The following ITGAV variants were observed in gnomAD, a reference collection of about 807,000 sequenced individuals.
The protein encoded by ITGAV is integrin subunit alpha V, also known as integrin alpha-V.
A neutral mutation model predicts 143.8 loss-of-function variants in ITGAV; 76 were observed. The observed-to-expected ratio is 0.53, with a 90% CI of 0.44 to 0.64. The LOEUF is 0.64. ITGAV is among the 30% of genes least tolerant of loss of function. The probability of loss-of-function intolerance (pLI) is 0.00; values close to 1 mark genes in which losing one functional copy is unlikely to be tolerated. For synonymous variants in ITGAV, 453 were observed against 446.7 expected (o/e 1.01, Z -0.18); for missense variants, 1,193 against 1,274.7 (o/e 0.94, Z 0.98).
intron 2 of ITGAV, among the ~76,000 whole-genome samples, chr2:186,604,681 T>G (rs527644109): frequency 3.4e-4 from 52 of 152,286 alleles, no homozygotes; most frequent in African/African-American, 1.2e-3. Flanking sequence ...GGAGATAGTA[T>G]CTGTTATGTT....
chr2:186,616,763 T>G (rs1308720499), intron 2 of ITGAV, among the ~76,000 whole-genome samples: 1 of 152,124 alleles, frequency 6.6e-6, no homozygotes, highest in Non-Finnish European at 1.5e-5. Flanking sequence ...CGTTTAATGC[T>G]ATATTACTAG....
intron 4 of ITGAV, among the ~76,000 whole-genome samples, chr2:186,625,943 G>A (rs1172363443): frequency 6.6e-6 from 1 of 152,128 alleles, no homozygotes; most frequent in Non-Finnish European, 1.5e-5. Flanking sequence ...TTCTGATTCA[G>A]TAGGTCTAGG....
intron 1 of ITGAV, among the ~76,000 whole-genome samples, chr2:186,597,842 T>C (rs1271088078): frequency 1.3e-5 from 2 of 152,176 alleles, no homozygotes; most frequent in African/African-American, 2.4e-5. Context: ...ATGCTTCTTA[T>C]GAGAACCTAA....
intron 2 of ITGAV, among the ~76,000 whole-genome samples, chr2:186,611,100 C>G (rs1687203211): frequency 6.6e-6 from 1 of 152,114 alleles, no homozygotes; most frequent in Non-Finnish European, 1.5e-5. Context: ...TGGTTCCTTC[C>G]CTTATCTTCA....
rs976924851 is a variant in ITGAV, at chr2:186,649,253, TA to T, written c.1352-586del. Among the ~76,000 whole-genome samples, 19 of 151,922 alleles carry T rather than the reference TA, an allele frequency of 1.3e-4. 1 individual carries two copies. The highest frequency in any genetic ancestry group is 4.6e-4 in the African/African-American group (19 of 41,516). Reference sequence around the variant, plus strand: ...AGCATAAAGTTTTAAACTTTTATGTTATTTAATCTGTTTTTATTTTTTTTTT... The same window carrying T: ...AGCATAAAGTTTTAAACTTTTATGTTTTTAATCTGTTTTTATTTTTTTTTT... On this transcript the variant is annotated intron_variant, in intron 13 of 29. Coordinates refer to ENST00000261023, the MANE Select transcript of ITGAV (RefSeq NM_002210.5).
intron 14 of ITGAV, among the ~76,000 whole-genome samples, chr2:186,650,196 T>G (rs1053337015): frequency 6.6e-6 from 1 of 152,218 alleles, no homozygotes; most frequent in Non-Finnish European, 1.5e-5. Context: ...AATCCTGTCT[T>G]CCAGCCTCTC....
At chr2:186,645,078 A>G (rs931867106) in intron 12 of ITGAV, among the ~76,000 whole-genome samples, 14 of 152,200 alleles carry the variant, frequency 9.2e-5, no homozygotes, top group Admixed American at 7.2e-4. Context: ...TATGTTCTAT[A>G]GCTTACTTAC....
chr2:186,646,735 T>C lies in ITGAV; in HGVS notation c.1209T>C (p.Val403=). ...PYGGEDKKGI[V]YIFNGRSTGL... ...GGGGTGAAGATAAAAAAGGAATTGT[T>C]TATATCTTCAATGGAAGATCAACAG... The change falls in exon 13 of 30, where the codon GTT becomes GTC. Residue 403 remains valine (V), a synonymous_variant. Transcript: ENST00000261023. The C allele has an allele frequency of 6.2e-7, 1 of 1,609,530 alleles. No individual in the cohort carries two copies. Among genetic ancestry groups the C allele is most frequent in the Non-Finnish European group, 8.5e-7 (1 of 1,177,116 alleles).
rs1269740789 is a variant in ITGAV, at chr2:186,675,856, T to C, written c.2857T>C (p.Ser953Pro). ...NQNHSYSLKSSASFNVIEFPY... is the reference protein window; with the variant it reads ...NQNHSYSLKSPASFNVIEFPY... Reference sequence around the variant, plus strand: ...GAATCATTCCTATTCTCTGAAGTCGTCTGCTTCATTTAATGTCATAGAGTT... The same window carrying C: ...GAATCATTCCTATTCTCTGAAGTCGCCTGCTTCATTTAATGTCATAGAGTT... The change falls in exon 28 of 30, where the codon TCT becomes CCT. Residue 953 changes from serine (S) to proline (P), a missense_variant. Transcript: ENST00000261023. 4.4e-6 allele frequency: 7 copies of C among 1,608,778 alleles called. No individual in the cohort carries two copies. In the Admixed American group the frequency reaches 1.2e-4, roughly 27 times the overall value.
chr2:186,678,584 A>C lies in ITGAV; in HGVS notation c.*1292A>C. The C allele has an allele frequency of 3.1e-6, 1 of 321,494 alleles. No individual in the cohort carries two copies. Among genetic ancestry groups the C allele is most frequent in the Non-Finnish European group, 6.0e-6 (1 of 165,850 alleles). The allele number at this position is 321,494 out of a possible 1,614,324, so 19.9% of individuals were successfully genotyped here. A position where few individuals can be genotyped will look rare whatever the true frequency, so the allele number is the denominator to read the frequency against. On this transcript the variant is annotated 3_prime_UTR_variant, in exon 30 of 30. Transcript: ENST00000261023. ...AACCTTTCTGAAGTTCGTTAGTATA[A>C]ATTACTTTTCTAGGATTATTAATAA...
intron 2 of ITGAV, among the ~76,000 whole-genome samples, chr2:186,609,056 C>A (rs1259761557): frequency 6.6e-6 from 1 of 152,140 alleles, no homozygotes; most frequent in Admixed American, 6.6e-5. Context: ...AGTCTCATAT[C>A]TGTGAAAGAC....
intron 10 of ITGAV, among the ~76,000 whole-genome samples, chr2:186,639,568 T>C (rs1159600297): frequency 6.6e-6 from 1 of 152,182 alleles, no homozygotes; most frequent in Non-Finnish European, 1.5e-5. Flanking sequence ...CAATGATACT[T>C]GCTTTATTCC....
intron 19 of ITGAV, among the ~76,000 whole-genome samples, chr2:186,664,282 G>C (rs559055244): frequency 6.6e-6 from 1 of 152,116 alleles, no homozygotes; most frequent in East Asian, 1.9e-4. Flanking sequence ...TATATTAGTG[G>C]CATCAATGTT....
At chr2:186,598,932 G>C (rs149385523) in intron 1 of ITGAV, among the ~76,000 whole-genome samples, 1 of 152,264 alleles carries the variant, frequency 6.6e-6, no homozygotes, top group Non-Finnish European at 1.5e-5. Flanking sequence ...ATAAGTGTCA[G>C]AAAGCAGGAT....
At position 186,637,203 on chromosome 2, in the gene ITGAV, TGGG is replaced by T; in HGVS notation, c.802+95_802+97del. On this transcript the variant is annotated intron_variant, in intron 8 of 29. Coordinates refer to ENST00000261023, the MANE Select transcript of ITGAV (RefSeq NM_002210.5). Reference sequence around the variant, plus strand: ...GAAAATTTTAAGCAGTTTGAGTGGCTGGGTGCTGTGGCTGCAGCCTGTAATCTC... The same window carrying T: ...GAAAATTTTAAGCAGTTTGAGTGGCTTGCTGTGGCTGCAGCCTGTAATCTC... 3 of 1,011,470 alleles carry T rather than the reference TGGG, an allele frequency of 3.0e-6. No homozygotes were observed. The South Asian group carries it at 3.9e-5, about 13-fold the overall frequency. 62.7% of individuals were successfully genotyped at this position (1,011,470 alleles called of 1,614,324 possible).
Position 186,641,427 on chromosome 2 carries a change from G to A in ITGAV, c.998G>A (p.Arg333His), listed in dbSNP as rs1367895529. 5.6e-6 allele frequency: 9 copies of A among 1,614,032 alleles called. No individual in the cohort carries two copies. Among genetic ancestry groups the A allele is most frequent in the African/African-American group, 2.7e-5 (2 of 74,928 alleles). The change falls in exon 12 of 30, where the codon CGT (arginine) becomes CAT (histidine). Residue 333 changes from arginine to histidine, a missense_variant. By Grantham distance (29) the Arg-to-His change is conservative. Coordinates refer to ENST00000261023, the MANE Select transcript of ITGAV (RefSeq NM_002210.5). ...ATTGGAGCACCTCTCTTCATGGATCGTGGCTCTGATGGCAAACTCCAAGAG... is the reference window on the plus strand; with the variant it reads ...ATTGGAGCACCTCTCTTCATGGATCATGGCTCTGATGGCAAACTCCAAGAG... ...VFIGAPLFMD[R>H]GSDGKLQEVG...
chr2:186,675,240 G>A (rs990235229), intron 26 of ITGAV, among the ~76,000 whole-genome samples: 1 of 152,150 alleles, frequency 6.6e-6, no homozygotes, highest in Non-Finnish European at 1.5e-5. Flanking sequence ...TTGAGATCTG[G>A]TTATTATATC....
intron 26 of ITGAV, among the ~76,000 whole-genome samples, chr2:186,670,455 C>A (rs188257336): frequency 1.3e-5 from 2 of 152,114 alleles, no homozygotes; most frequent in African/African-American, 4.8e-5. Flanking sequence ...CGCTCTCCCC[C>A]ATGCCCAGCT....
chr2:186,675,364 AC>A (rs1465845159), intron 26 of ITGAV, among the ~76,000 whole-genome samples: 3 of 152,214 alleles, frequency 2.0e-5, no homozygotes, highest in Non-Finnish European at 4.4e-5. Flanking sequence ...GATAAAACCA[AC>A]CCTTTCATTT....
Sources: gnomAD v4.1 joint callset for allele counts (sites outside exome capture counted in the v4.1 genomes callset) on GRCh38, gnomAD v4.1.1 for gene constraint, MANE v1.5 for transcripts, NCBI Gene and HGNC (gene_info 2026-07-23, HGNC 2026-07-21) for gene names.